The following ADAM23 variants were observed in gnomAD, a reference collection of about 807,000 sequenced individuals.
ADAM23 encodes disintegrin and metalloproteinase domain-containing protein 23.
A neutral mutation model predicts 120.1 loss-of-function variants in ADAM23; 33 were observed. The ratio of observed to expected loss-of-function variants is 0.27; its 90% CI spans 0.21 to 0.37. The LOEUF (loss-of-function observed/expected upper bound fraction) is 0.37, where lower values mean the gene tolerates loss of function less well. Ranked by LOEUF, ADAM23 falls within the 10% of genes least tolerant of loss-of-function variation. The pLI is 1.00. For synonymous variants in ADAM23, 367 were observed against 375.2 expected (o/e 0.98, Z 0.25); for missense variants, 862 against 1,058.2 (o/e 0.81, Z 2.57).
At chr2:206,573,240 T>TAC in intron 18 of ADAM23, 45 bp downstream of exon 18, 2 of 1,568,994 alleles carry the variant, frequency 1.3e-6, no homozygotes, top group Non-Finnish European at 1.8e-6. Flanking sequence ...CTTGTACAGG[T>TAC]TGAGTATTCC....
At chr2:206,584,333 G>A (rs935918549) in intron 18 of ADAM23, among the ~76,000 whole-genome samples, 7 of 152,150 alleles carry the variant, frequency 4.6e-5, no homozygotes, top group Non-Finnish European at 8.8e-5. Flanking sequence ...GTGCTGGTTG[G>A]CCTCCTGCCA....
At chr2:206,593,965 T>A (rs1698472335) in intron 22 of ADAM23, among the ~76,000 whole-genome samples, 1 of 151,264 alleles carries the variant, frequency 6.6e-6, no homozygotes, top group South Asian at 2.1e-4. Context: ...CATAGAAAAG[T>A]CATACTGCCC....
chr2:206,605,950 A>C, intron 24 of ADAM23: 1 of 592,502 alleles, frequency 1.7e-6, no homozygotes, highest in East Asian at 2.9e-5. Flanking sequence ...CCTGTACCTG[A>C]CTCCATGTCT....
At chr2:206,540,349 T>C (rs1436747536) in intron 4 of ADAM23, among the ~76,000 whole-genome samples, 1 of 151,926 alleles carries the variant, frequency 6.6e-6, no homozygotes, top group Non-Finnish European at 1.5e-5. Context: ...GCAAAACCTG[T>C]GCATATAGAG....
intron 21 of ADAM23, among the ~76,000 whole-genome samples, chr2:206,590,183 C>T (rs1466690157): frequency 6.6e-6 from 1 of 152,070 alleles, no homozygotes; most frequent in Non-Finnish European, 1.5e-5. Context: ...CTGCGACCTC[C>T]ACCTCCTGGG....
intron 2 of ADAM23, 147 bp downstream of exon 2, chr2:206,445,671 GAATTAACT>G (rs1416491982): frequency 4.3e-6 from 3 of 701,198 alleles, no homozygotes; most frequent in Non-Finnish European, 7.2e-6. Context: ...AAACTGGAAG[GAATTAACT>G]TGGGATCTAC....
chr2:206,557,145 G>T (rs918597882), intron 9 of ADAM23, among the ~76,000 whole-genome samples: 1 of 151,680 alleles, frequency 6.6e-6, no homozygotes, highest in East Asian at 1.9e-4. Flanking sequence ...GCTTAGGCTG[G>T]TCTCAAATCC....
intron 24 of ADAM23, among the ~76,000 whole-genome samples, chr2:206,600,072 G>T (rs1225406772): frequency 6.6e-6 from 1 of 152,152 alleles, no homozygotes; most frequent in Non-Finnish European, 1.5e-5. Context: ...CGTGGTGGCA[G>T]GCACCTGTAG....
rs1425754705 is a variant in ADAM23 at position 206,526,603 on chromosome 2, C to A, written c.510-4282C>A. ...AATCCTGCAGGGATTTTAGTGGTCA[C>A]ACTAGAGGGGCAGACATCACTTCCT... On this transcript the variant is annotated intron_variant, in intron 3 of 25. Coordinates refer to ENST00000264377, the MANE Select transcript of ADAM23 (RefSeq NM_003812.4). Among the ~76,000 whole-genome samples the A allele has an allele frequency of 4.6e-5, 7 of 152,270 alleles. No homozygotes were observed. The East Asian group carries it at 5.8e-4, about 13-fold the overall frequency.
rs963471109 is a variant in ADAM23 at position 206,618,804 on chromosome 2, A to C, written c.*1177A>C. 1 of 152,242 alleles carries C rather than the reference A, an allele frequency of 6.6e-6. No homozygotes were observed. The highest frequency in any genetic ancestry group is 2.4e-5 in the African/African-American group (1 of 41,470). The allele number at this position is 152,242 out of a possible 1,614,324, so 9.4% of individuals were successfully genotyped here. ...TAAGTTTCGAAAATTTTTTGATGTC[A>C]TTATAAACCTATGTAAATAATGTAA... is the stretch of plus-strand genomic sequence containing the variant. On this transcript the variant is annotated 3_prime_UTR_variant, in exon 26 of 26. Coordinates refer to ENST00000264377, the MANE Select transcript of ADAM23 (RefSeq NM_003812.4).
chr2:206,590,315 A>C (rs879653893), intron 21 of ADAM23, among the ~76,000 whole-genome samples: 2 of 152,000 alleles, frequency 1.3e-5, no homozygotes, highest in African/African-American at 2.4e-5. Context: ...CCAGGCTGGT[A>C]TTGAACTCCT....
intron 3 of ADAM23, among the ~76,000 whole-genome samples, chr2:206,512,309 A>G (rs1386187051): frequency 6.6e-6 from 1 of 152,254 alleles, no homozygotes; most frequent in Non-Finnish European, 1.5e-5. Context: ...ATCAGGCATG[A>G]GACACAGAAA....
intron 2 of ADAM23, among the ~76,000 whole-genome samples, chr2:206,464,230 C>A (rs1224999817): frequency 6.6e-6 from 1 of 152,084 alleles, no homozygotes; most frequent in Non-Finnish European, 1.5e-5. Context: ...TTACTTCTTG[C>A]TGTTTTGTTT....
intron 3 of ADAM23, among the ~76,000 whole-genome samples, chr2:206,517,280 A>G (rs1162494886): frequency 6.6e-6 from 1 of 152,176 alleles, no homozygotes; most frequent in Non-Finnish European, 1.5e-5. Context: ...AGAGACAGAA[A>G]GTAGCCCGAG....
intron 10 of ADAM23, among the ~76,000 whole-genome samples, chr2:206,557,946 A>G (rs1676248999): frequency 6.6e-6 from 1 of 152,158 alleles, no homozygotes; most frequent in African/African-American, 2.4e-5. Flanking sequence ...GGACACAAAT[A>G]TATTTTCTTA....
At chr2:206,543,225 C>T in intron 5 of ADAM23, 28 bp from the exon 6 acceptor site, 1 of 1,607,218 alleles carries the variant, frequency 6.2e-7, no homozygotes, top group Non-Finnish European at 8.5e-7. Context: ...TGTTTATTCC[C>T]TCCTTTGTGT....
chr2:206,537,151 T>C (rs1031042701), intron 4 of ADAM23, among the ~76,000 whole-genome samples: 5 of 152,142 alleles, frequency 3.3e-5, no homozygotes, highest in Non-Finnish European at 5.9e-5. Flanking sequence ...CCCTTATGGG[T>C]CCTGTGTTCT....
chr2:206,469,976 C>G (rs1182758169), intron 2 of ADAM23, among the ~76,000 whole-genome samples: 1 of 152,140 alleles, frequency 6.6e-6, no homozygotes, highest in African/African-American at 2.4e-5. Flanking sequence ...CTAAAAACTC[C>G]CTAACTTATT....
chr2:206,578,933 C>G (rs1049180020), intron 18 of ADAM23, among the ~76,000 whole-genome samples: 10 of 152,076 alleles, frequency 6.6e-5, no homozygotes, highest in African/African-American at 2.2e-4. Context: ...TATGGCCATT[C>G]TTGCAGGAGT....
Sources: gnomAD v4.1 joint callset for allele counts (sites outside exome capture counted in the v4.1 genomes callset) on GRCh38, gnomAD v4.1.1 for gene constraint, MANE v1.5 for transcripts, NCBI Gene and HGNC (gene_info 2026-07-23, HGNC 2026-07-21) for gene names.